Variants in BATF observed in about 807,000 individuals in gnomAD.
BATF encodes the protein basic leucine zipper ATF-like transcription factor.
A neutral mutation model predicts 13.7 loss-of-function variants in BATF; 5 were observed. The ratio of observed to expected loss-of-function variants is 0.36; its 90% CI spans 0.19 to 0.77. BATF has a LOEUF of 0.77. Ranked by LOEUF, BATF falls within the 30% of genes least tolerant of loss-of-function variation. BATF has a pLI of 0.51. For missense variants in BATF, 124 were observed against 163.0 expected (o/e 0.76, Z 1.30); for synonymous variants, 72 against 67.5 (o/e 1.07, Z -0.33).
At chr14:75,531,278 G>C (rs959661553) in intron 2 of BATF, among the ~76,000 whole-genome samples, 1 of 152,190 alleles carries the variant, frequency 6.6e-6, no homozygotes, top group African/African-American at 2.4e-5. Context: ...TAGCCATCTT[G>C]GTTGGTTGGT....
At chr14:75,525,658 T>G (rs1887641540) in intron 2 of BATF, among the ~76,000 whole-genome samples, 2 of 46,654 alleles carry the variant, frequency 4.3e-5, no homozygotes, top group Admixed American at 2.6e-4. Flanking sequence ...AAACTTCATC[T>G]CAAAAAAAAA....
chr14:75,528,863 G>A (rs1887690448), intron 2 of BATF, among the ~76,000 whole-genome samples: 1 of 152,048 alleles, frequency 6.6e-6, no homozygotes, highest in African/African-American at 2.4e-5. Flanking sequence ...AACCAATTAG[G>A]AAATTAATGG....
At chr14:75,540,397 A>C (rs1887879700) in intron 2 of BATF, among the ~76,000 whole-genome samples, 1 of 152,122 alleles carries the variant, frequency 6.6e-6, no homozygotes, top group Admixed American at 6.5e-5. Context: ...CTTGCGGTTC[A>C]TGGTAGAGGT....
chr14:75,540,173 G>A (rs535752401), intron 2 of BATF, among the ~76,000 whole-genome samples: 1 of 152,178 alleles, frequency 6.6e-6, no homozygotes, highest in Non-Finnish European at 1.5e-5. Context: ...TGCTCAGGGT[G>A]CCTGGACAGT....
chr14:75,528,768 TG>T (rs141126492), intron 2 of BATF, among the ~76,000 whole-genome samples: 13,371 of 152,170 alleles, frequency 0.088, 1,747 homozygotes, highest in African/African-American at 0.28. Flanking sequence ...GATAATCAGC[TG>T]AAAAATTATT....
intron 2 of BATF, among the ~76,000 whole-genome samples, chr14:75,539,885 C>T (rs999025174): frequency 6.6e-6 from 1 of 152,022 alleles, no homozygotes; most frequent in African/African-American, 2.4e-5. Context: ...CAGTTGGAAG[C>T]CTGCTCCAGG....
chr14:75,544,429 G>A (rs1887950193), intron 2 of BATF, among the ~76,000 whole-genome samples: 1 of 151,904 alleles, frequency 6.6e-6, no homozygotes, highest in Non-Finnish European at 1.5e-5. Context: ...GCCAGGCGTG[G>A]TGGTGCCTGC....
chr14:75,527,068 C>T (rs1325522744), intron 2 of BATF, among the ~76,000 whole-genome samples: 8 of 152,104 alleles, frequency 5.3e-5, no homozygotes, highest in Non-Finnish European at 7.4e-5. Flanking sequence ...GTGACAGAGA[C>T]GTTCTTGGCC....
chr14:75,522,602 A>C lies in BATF; in HGVS notation c.-81A>C. On this transcript the variant is annotated 5_prime_UTR_variant, in exon 1 of 3. Transcript: ENST00000286639. ...GGTGGTGGGCTGGTGGCCCAGGAGAAGTCAGGAAGGGAGCCCAGCTGGTGA... is the reference window on the plus strand; with the variant it reads ...GGTGGTGGGCTGGTGGCCCAGGAGACGTCAGGAAGGGAGCCCAGCTGGTGA... The C allele has an allele frequency of 6.5e-7, 1 of 1,548,604 alleles. No homozygotes were observed. The highest frequency in any genetic ancestry group is 8.9e-7 in the Non-Finnish European group (1 of 1,122,020).
At chr14:75,528,049 A>T (rs1306260611) in intron 2 of BATF, among the ~76,000 whole-genome samples, 1 of 152,076 alleles carries the variant, frequency 6.6e-6, no homozygotes, top group African/African-American at 2.4e-5. Flanking sequence ...CCTCTTAATT[A>T]TGTCTGAGAT....
Position 75,525,081 on chromosome 14 carries a change from C to G in BATF, c.64-3C>G. 1 of 1,611,674 alleles carries G rather than the reference C, an allele frequency of 6.2e-7. No individual in the cohort carries two copies. Among genetic ancestry groups the G allele is most frequent in the Non-Finnish European group, 8.5e-7 (1 of 1,178,806 alleles). On this transcript the variant is annotated splice_region_variant and splice_polypyrimidine_tract_variant and intron_variant, in intron 1 of 2. Coordinates refer to ENST00000286639, the MANE Select transcript of BATF (RefSeq NM_006399.5). ...TGTAATCCTCCCCGTCTCTGCTTCC[C>G]AGGACTCATCTGATGATGTGAGAAG...
At chr14:75,539,963 C>G (rs1245737700) in intron 2 of BATF, among the ~76,000 whole-genome samples, 1 of 152,096 alleles carries the variant, frequency 6.6e-6, no homozygotes. Flanking sequence ...GAACATATAT[C>G]TGGGTGTGAG....
intron 2 of BATF, among the ~76,000 whole-genome samples, chr14:75,534,797 T>C (rs551026407): frequency 1.2e-3 from 185 of 152,334 alleles, no homozygotes; most frequent in African/African-American, 4.3e-3. Context: ...GTAATACTTC[T>C]CAGGACTGGG....
intron 1 of BATF, among the ~76,000 whole-genome samples, chr14:75,523,606 T>C (rs1184017760): frequency 2.0e-5 from 3 of 152,188 alleles, no homozygotes; most frequent in Admixed American, 2.0e-4. Context: ...CACCACACTC[T>C]TGACATCCCT....
intron 2 of BATF, among the ~76,000 whole-genome samples, chr14:75,527,120 C>T (rs1014412355): frequency 2.0e-5 from 3 of 152,108 alleles, no homozygotes; most frequent in Non-Finnish European, 4.4e-5. Flanking sequence ...TGGAAAATGA[C>T]AATAACTACC....
chr14:75,546,860 C>A lies in BATF; in HGVS notation c.*189C>A. The A allele has an allele frequency of 1.2e-6, 1 of 818,556 alleles. No homozygotes were observed. Among genetic ancestry groups the A allele is most frequent in the Non-Finnish European group, 2.0e-6 (1 of 491,998 alleles). 50.7% of individuals were successfully genotyped at this position (818,556 alleles called of 1,614,324 possible). Reference sequence around the variant, plus strand: ...AGCAGTGCCGCAGCGTTTCGAGGGGCGTGTGCTGGACCCCACCACTGTGGG... The same window carrying A: ...AGCAGTGCCGCAGCGTTTCGAGGGGAGTGTGCTGGACCCCACCACTGTGGG... On this transcript the variant is annotated 3_prime_UTR_variant, in exon 3 of 3. Transcript: ENST00000286639.
chr14:75,546,104 C>T (rs1195855770), intron 2 of BATF, among the ~76,000 whole-genome samples: 3 of 152,090 alleles, frequency 2.0e-5, no homozygotes, highest in Non-Finnish European at 4.4e-5. Flanking sequence ...TCAGGCAATC[C>T]GCCCGCCTCG....
rs990784148 is a variant in BATF, at chr14:75,542,989, G to T, written c.169-3473G>T. ...GAGTGGCCCTCCCTTCTGCCTCGGG[G>T]TTTGCCCAGGCTCTTCAGAGCACAG... is the stretch of plus-strand genomic sequence containing the variant. On this transcript the variant is annotated intron_variant, in intron 2 of 2. Coordinates refer to ENST00000286639, the MANE Select transcript of BATF (RefSeq NM_006399.5). 5.3e-5 allele frequency among the ~76,000 whole-genome samples: 8 copies of T among 152,174 alleles called. No homozygotes were observed. In the East Asian group the frequency reaches 5.8e-4, roughly 11 times the overall value.
At chr14:75,526,300 C>T (rs1887653928) in intron 2 of BATF, among the ~76,000 whole-genome samples, 1 of 152,208 alleles carries the variant, frequency 6.6e-6, no homozygotes, top group South Asian at 2.1e-4. Context: ...TTCTCTCCAT[C>T]CCCTCATCCC....
Sources: allele counts gnomAD v4.1 joint callset (sites outside exome capture counted in the v4.1 genomes callset), GRCh38; gene constraint gnomAD v4.1.1; transcripts MANE v1.5; gene names NCBI Gene and HGNC (gene_info 2026-07-23, HGNC 2026-07-21).